The following MAPKAPK2 variants were observed in gnomAD, a reference collection of about 807,000 sequenced individuals.
MAPKAPK2 encodes MAPK activated protein kinase 2.
Under a neutral mutation model 48.8 loss-of-function variants are expected in MAPKAPK2, and 9 were observed. The ratio of observed to expected loss-of-function variants is 0.18; its 90% CI spans 0.11 to 0.32. The LOEUF (loss-of-function observed/expected upper bound fraction) is 0.32. Among genes scored for constraint, MAPKAPK2 ranks in the 10% least tolerant of loss-of-function variants. The probability of loss-of-function intolerance (pLI) is 1.00; values close to 1 mark genes in which losing one functional copy is unlikely to be tolerated. For missense variants in MAPKAPK2, 331 were observed against 498.3 expected, an observed-to-expected ratio of 0.66 and a Z score of 3.20; for synonymous variants, 202 against 190.6, an observed-to-expected ratio of 1.06 and a Z score of -0.49.
chr1:206,693,275 CA>C (rs1178309863), intron 1 of MAPKAPK2, among the ~76,000 whole-genome samples: 3 of 152,174 alleles, frequency 2.0e-5, no homozygotes, highest in African/African-American at 4.8e-5. Flanking sequence ...CCCTCACAGC[CA>C]GGCCCTGTTA....
chr1:206,729,295 C>T (rs1673818559), intron 3 of MAPKAPK2, 101 bp from the exon 4 acceptor site: 1 of 1,158,490 alleles, frequency 8.6e-7, no homozygotes, highest in African/African-American at 1.5e-5. Context: ...TGTGGGGAGC[C>T]TCAGGCTGCA....
intron 1 of MAPKAPK2, among the ~76,000 whole-genome samples, chr1:206,690,641 C>T (rs1409296552): frequency 6.6e-6 from 1 of 152,202 alleles, no homozygotes; most frequent in African/African-American, 2.4e-5. Context: ...AGCCCAGCCT[C>T]AGAACTGCTG....
chr1:206,702,665 G>A (rs1672832634), intron 1 of MAPKAPK2, among the ~76,000 whole-genome samples: 1 of 152,188 alleles, frequency 6.6e-6, no homozygotes, highest in Non-Finnish European at 1.5e-5. Context: ...TGTCATTTCT[G>A]TTTAGAGACC....
Position 206,685,275 on chromosome 1 carries a change from GC to G in MAPKAPK2, c.50del (p.Pro17ArgfsTer119). 1.1e-5 allele frequency: 3 copies of G among 267,560 alleles called. No homozygotes were observed. Among genetic ancestry groups the G allele is most frequent in the South Asian group, 6.4e-5 (1 of 15,654 alleles). The allele number at this position is 267,560 out of a possible 1,614,324, so 16.6% of individuals were successfully genotyped here. A position where few individuals can be genotyped will look rare whatever the true frequency, so the allele number is the denominator to read the frequency against. On this transcript the variant is annotated frameshift_variant, in exon 1 of 10. Transcript: ENST00000367103. LOFTEE classifies it high-confidence loss of function. ...CCAGAGCCCGCCGGTGCCGTTCCCCGCCCCGGCCCCGCCGCCGCAGCCCCCC... is the reference window on the plus strand; with the variant it reads ...CCAGAGCCCGCCGGTGCCGTTCCCCGCCCGGCCCCGCCGCCGCAGCCCCCC... ...QGQSPPVPFP[A>X]PAPPPQPPTP...
intron 1 of MAPKAPK2, among the ~76,000 whole-genome samples, chr1:206,715,629 C>CTTT (rs11349381): frequency 3.0e-5 from 4 of 131,572 alleles, no homozygotes; most frequent in Admixed American, 7.9e-5. Flanking sequence ...TTCTTTCTTT[C>CTTT]TTTTTTTTTT....
chr1:206,687,515 G>A (rs545283051), intron 1 of MAPKAPK2, among the ~76,000 whole-genome samples: 2 of 152,162 alleles, frequency 1.3e-5, no homozygotes, highest in African/African-American at 2.4e-5. Context: ...TCCCACACAC[G>A]TCTTTGTGTT....
intron 1 of MAPKAPK2, among the ~76,000 whole-genome samples, chr1:206,703,729 C>T (rs1377194771): frequency 1.3e-5 from 2 of 152,188 alleles, no homozygotes; most frequent in African/African-American, 4.8e-5. Flanking sequence ...GAGGGGAGAG[C>T]TGACATCAGA....
chr1:206,717,446 C>T (rs1023105268), intron 1 of MAPKAPK2, among the ~76,000 whole-genome samples: 136 of 152,214 alleles, frequency 8.9e-4, no homozygotes, highest in African/African-American at 3.3e-3. Flanking sequence ...CAGTTTCCTA[C>T]CCAAGACTCC....
intron 1 of MAPKAPK2, among the ~76,000 whole-genome samples, chr1:206,712,215 G>A (rs1673179719): frequency 6.6e-6 from 1 of 152,136 alleles, no homozygotes; most frequent in African/African-American, 2.4e-5. Context: ...ATAAAAAAAA[G>A]ATCTTACTGA....
At chr1:206,690,157 G>A (rs1322842371) in intron 1 of MAPKAPK2, among the ~76,000 whole-genome samples, 11 of 152,224 alleles carry the variant, frequency 7.2e-5, no homozygotes, top group African/African-American at 2.7e-4. Flanking sequence ...TGTTTGAGGG[G>A]CATGAAGGTG....
intron 1 of MAPKAPK2, among the ~76,000 whole-genome samples, chr1:206,697,256 A>T (rs1019893053): frequency 3.3e-4 from 50 of 152,294 alleles, no homozygotes; most frequent in African/African-American, 1.2e-3. Flanking sequence ...GCACAGACAC[A>T]CAGATGCAGT....
chr1:206,703,285 TTCAGA>T (rs1258047044), intron 1 of MAPKAPK2, among the ~76,000 whole-genome samples: 1 of 152,232 alleles, frequency 6.6e-6, no homozygotes, highest in Non-Finnish European at 1.5e-5. Flanking sequence ...AAGTGTCAGC[TTCAGA>T]AGCAGCTACT....
intron 1 of MAPKAPK2, among the ~76,000 whole-genome samples, chr1:206,719,479 C>T (rs116692846): frequency 1.7e-3 from 264 of 152,296 alleles, no homozygotes; most frequent in Non-Finnish European, 3.1e-3. Flanking sequence ...GCCTCCCAAC[C>T]AAATGTTTGG....
chr1:206,690,075 A>AG (rs1672409988), intron 1 of MAPKAPK2, among the ~76,000 whole-genome samples: 1 of 152,174 alleles, frequency 6.6e-6, no homozygotes, highest in African/African-American at 2.4e-5. Context: ...GAGGAACAGG[A>AG]GGTCAGAGTG....
At chr1:206,712,353 G>T (rs1673183416) in intron 1 of MAPKAPK2, among the ~76,000 whole-genome samples, 1 of 152,204 alleles carries the variant, frequency 6.6e-6, no homozygotes, top group Non-Finnish European at 1.5e-5. Flanking sequence ...TAGGAAAGGT[G>T]CTCAGGGCCC....
In MAPKAPK2 at chr1:206,729,415, G is replaced by T; in HGVS notation, c.504G>T (p.Lys168Asn). The change falls in exon 4 of 10, where the codon AAG (lysine) becomes AAT (asparagine). Residue 168 changes from lysine (K) to asparagine (N), a missense_variant. Lys to Asn is a moderately conservative substitution (Grantham distance 94). Around this residue, in one of 4 missense-constraint regions of MAPKAPK2, gnomAD observed 111 missense variants for 193.6 expected, o/e 0.57. Coordinates refer to ENST00000367103, the MANE Select transcript of MAPKAPK2 (RefSeq NM_032960.4). ...CTACAGAAGCATCCGAAATCATGAA[G>T]AGCATCGGTGAGGCCATCCAGTATC... ...FTEREASEIM[K>N]SIGEAIQYLH... The T allele has an allele frequency of 6.2e-7, 1 of 1,614,054 alleles. No homozygotes were observed. Among genetic ancestry groups the T allele is most frequent in the Non-Finnish European group, 8.5e-7 (1 of 1,179,896 alleles).
intron 1 of MAPKAPK2, among the ~76,000 whole-genome samples, chr1:206,722,677 C>G (rs1422449064): frequency 6.6e-6 from 1 of 152,186 alleles, no homozygotes; most frequent in African/African-American, 2.4e-5. Flanking sequence ...GCAGTTCAAA[C>G]CTGGGTTGTT....
At chr1:206,729,876 A>T in intron 4 of MAPKAPK2, 96 bp from the exon 5 acceptor site, 1 of 1,487,096 alleles carries the variant, frequency 6.7e-7, no homozygotes. Context: ...TGGTTGCTGG[A>T]TGAGTAGAGG....
chr1:206,706,725 A>G (rs1339562534), intron 1 of MAPKAPK2, among the ~76,000 whole-genome samples: 1 of 152,200 alleles, frequency 6.6e-6, no homozygotes, highest in Non-Finnish European at 1.5e-5. Context: ...CTTCTAGACA[A>G]ATCGGTCATG....
Sources: allele counts gnomAD v4.1 joint callset (sites outside exome capture counted in the v4.1 genomes callset), GRCh38; gene constraint gnomAD v4.1.1; regional missense constraint gnomAD v4.1.1; transcripts MANE v1.5; gene names NCBI Gene and HGNC (gene_info 2026-07-23, HGNC 2026-07-21).